SGCZ: variants seen among roughly 807,000 people sequenced by gnomAD.
SGCZ encodes the protein zeta-sarcoglycan.
Under a neutral mutation model 41.3 loss-of-function variants are expected in SGCZ, and 40 were observed. The ratio of observed to expected loss-of-function variants is 0.97; its 90% confidence interval spans 0.75 to 1.26. The LOEUF (loss-of-function observed/expected upper bound fraction) is 1.26, where lower values mean the gene tolerates loss of function less well. Ranked by LOEUF, SGCZ falls within the 50% of genes most tolerant of loss-of-function variation. The probability of loss-of-function intolerance (pLI) is 0.00; values close to 1 mark genes in which losing one functional copy is unlikely to be tolerated. For missense variants in SGCZ, 552 were observed against 369.8 expected, an observed-to-expected ratio of 1.49 and a Z score of -4.04; for synonymous variants, 206 against 137.5, an observed-to-expected ratio of 1.50 and a Z score of -3.49.
At chr8:14,914,796 T>C (rs1004420290) in intron 1 of SGCZ, among the ~76,000 whole-genome samples, 2 of 152,172 alleles carry the variant, frequency 1.3e-5, no homozygotes, top group Admixed American at 6.6e-5. Flanking sequence ...CATTAATCCT[T>C]TCAGTACACT....
intron 1 of SGCZ, among the ~76,000 whole-genome samples, chr8:14,999,421 C>G (rs1465453659): frequency 2.0e-5 from 3 of 151,932 alleles, no homozygotes; most frequent in Non-Finnish European, 4.4e-5. Flanking sequence ...AATGGGTTAG[C>G]CAGGCAAAGG....
chr8:14,368,496 T>G (rs1244062156), intron 2 of SGCZ, among the ~76,000 whole-genome samples: 1 of 152,086 alleles, frequency 6.6e-6, no homozygotes, highest in Non-Finnish European at 1.5e-5. Context: ...ACCTTAGTCC[T>G]CCATACTAAA....
intron 4 of SGCZ, among the ~76,000 whole-genome samples, chr8:14,223,526 A>T (rs762802525): frequency 4.9e-4 from 68 of 138,634 alleles, no homozygotes; most frequent in Non-Finnish European, 8.4e-4. Context: ...AAACAGTCAC[A>T]TCTAGACCAA....
intron 4 of SGCZ, among the ~76,000 whole-genome samples, chr8:14,197,674 G>A (rs1327119204): frequency 1.3e-5 from 2 of 151,820 alleles, no homozygotes; most frequent in Non-Finnish European, 2.9e-5. Context: ...CCTTATAAAG[G>A]GCATTTACAG....
intron 3 of SGCZ, among the ~76,000 whole-genome samples, chr8:14,260,002 G>T (rs1182187595): frequency 6.6e-6 from 1 of 152,068 alleles, no homozygotes; most frequent in Non-Finnish European, 1.5e-5. Context: ...GCAGTGGTTT[G>T]TAGTTCTCCT....
At chr8:15,216,307 C>A (rs1338429900) in intron 1 of SGCZ, among the ~76,000 whole-genome samples, 3 of 150,472 alleles carry the variant, frequency 2.0e-5, no homozygotes, top group Admixed American at 1.3e-4. Context: ...GCAAGCTCCG[C>A]CTCCTGGGTT....
chr8:15,151,904 T>C (rs1585616900), intron 1 of SGCZ, among the ~76,000 whole-genome samples: 1 of 152,334 alleles, frequency 6.6e-6, no homozygotes, highest in African/African-American at 2.4e-5. Context: ...TTTGAAGCGG[T>C]TAATCCATGT....
At chr8:14,595,125 G>A (rs1805367014) in intron 1 of SGCZ, among the ~76,000 whole-genome samples, 1 of 151,904 alleles carries the variant, frequency 6.6e-6, no homozygotes. Context: ...CAATAATGAT[G>A]ACAAATGAAA....
intron 1 of SGCZ, among the ~76,000 whole-genome samples, chr8:14,891,304 A>C (rs1194966711): frequency 6.6e-6 from 1 of 152,220 alleles, no homozygotes; most frequent in Non-Finnish European, 1.5e-5. Flanking sequence ...GATTCATGAA[A>C]GGAGGTCAAA....
chr8:14,447,672 AG>A (rs1800471845), intron 2 of SGCZ, among the ~76,000 whole-genome samples: 1 of 152,202 alleles, frequency 6.6e-6, no homozygotes, highest in African/African-American at 2.4e-5. Flanking sequence ...AGGATGAATT[AG>A]AAAAACCAGA....
intron 1 of SGCZ, among the ~76,000 whole-genome samples, chr8:14,646,262 C>G (rs905894151): frequency 1.3e-5 from 2 of 151,854 alleles, no homozygotes; most frequent in African/African-American, 2.4e-5. Flanking sequence ...TCCATGAGCA[C>G]ACAATGTTTA....
intron 1 of SGCZ, among the ~76,000 whole-genome samples, chr8:14,946,390 C>G (rs569055949): frequency 6.6e-6 from 1 of 152,056 alleles, no homozygotes; most frequent in East Asian, 2.0e-4. Flanking sequence ...CAGTCCCAAA[C>G]TTTGCATTTC....
chr8:14,130,176 A>G lies in SGCZ; in HGVS notation c.548-21941T>C, dbSNP rs577333944. On this transcript the variant is annotated intron_variant, in intron 5 of 7. Transcript: ENST00000382080. ...ATTGAAATTAAAAAGAAACTCACAA[A>G]TATATGGCCAACTGATTTTTAAGAG... Among the ~76,000 whole-genome samples the G allele has an allele frequency of 1.5e-4, 23 of 152,282 alleles. No individual in the cohort carries two copies. In the East Asian group the frequency reaches 4.4e-3, roughly 29 times the overall value.
intron 1 of SGCZ, among the ~76,000 whole-genome samples, chr8:14,658,205 C>T (rs1032095897): frequency 5.9e-5 from 9 of 152,144 alleles, no homozygotes; most frequent in Admixed American, 2.6e-4. Context: ...ATCCTTGCTC[C>T]TCTTTGTTAT....
intron 1 of SGCZ, among the ~76,000 whole-genome samples, chr8:14,731,244 A>T (rs1810229467): frequency 6.6e-6 from 1 of 150,776 alleles, no homozygotes; most frequent in African/African-American, 2.5e-5. Context: ...AGGGACATGG[A>T]TGAAGCTGGA....
intron 4 of SGCZ, among the ~76,000 whole-genome samples, chr8:14,209,522 G>C (rs1805729334): frequency 6.6e-6 from 1 of 151,982 alleles, no homozygotes; most frequent in African/African-American, 2.4e-5. Flanking sequence ...TACATAAGAA[G>C]TGCTTAATAA....
chr8:14,559,594 A>C (rs750487491), intron 1 of SGCZ, among the ~76,000 whole-genome samples: 34 of 152,228 alleles, frequency 2.2e-4, no homozygotes, highest in African/African-American at 3.8e-4. Flanking sequence ...AGAAATTTTT[A>C]TAAAAATTAT....
chr8:14,363,834 C>G (rs1412068751), intron 2 of SGCZ, among the ~76,000 whole-genome samples: 1 of 152,126 alleles, frequency 6.6e-6, no homozygotes, highest in Non-Finnish European at 1.5e-5. Flanking sequence ...TCACATTTTT[C>G]CAACATTGCT....
In SGCZ at chr8:14,969,391, C is replaced by G. The variant is rs191932628; in HGVS notation, c.39+268194G>C. Among the ~76,000 whole-genome samples, 13 of 152,138 alleles carry G rather than the reference C, an allele frequency of 8.5e-5. No individual in the cohort carries two copies. The East Asian group carries it at 2.5e-3, about 29-fold the overall frequency. On this transcript the variant is annotated intron_variant, in intron 1 of 7. Coordinates refer to ENST00000382080, the MANE Select transcript of SGCZ (RefSeq NM_139167.4). ...TTGACTTGTAATTGATATAAACAAA[C>G]AGCACATATTTAAAGTATAGAATTT...
Sources: allele counts gnomAD v4.1 joint callset (sites outside exome capture counted in the v4.1 genomes callset), GRCh38; gene constraint gnomAD v4.1.1; transcripts MANE v1.5; gene names NCBI Gene and HGNC (gene_info 2026-07-23, HGNC 2026-07-21).